The following NTN4 variants were observed in gnomAD, a reference collection of about 807,000 sequenced individuals.
NTN4 encodes netrin-4.
In NTN4, 32 loss-of-function variants were observed where a neutral mutation model predicts 73.6. That is an observed-to-expected ratio of 0.44 (90% CI 0.33 to 0.58). NTN4 has a LOEUF of 0.58. Ranked by LOEUF, NTN4 falls within the 20% of genes least tolerant of loss-of-function variation. NTN4 has a pLI of 0.04. For synonymous variants in NTN4, 258 were observed against 287.5 expected, an observed-to-expected ratio of 0.90 and a Z score of 1.04; for missense variants, 654 against 798.3, an observed-to-expected ratio of 0.82 and a Z score of 2.18.
intron 3 of NTN4, among the ~76,000 whole-genome samples, chr12:95,732,475 C>T (rs1253090679): frequency 1.5e-5 from 2 of 132,964 alleles, no homozygotes; most frequent in East Asian, 2.1e-4. Flanking sequence ...GCAATCTCAG[C>T]TCACTGCAAA....
chr12:95,788,649 C>A (rs1054710461), intron 1 of NTN4, among the ~76,000 whole-genome samples: 3 of 152,228 alleles, frequency 2.0e-5, no homozygotes, highest in African/African-American at 7.2e-5. Context: ...ACAGCTTAGG[C>A]TGCAACAGAG....
At position 95,787,027 on chromosome 12, in the gene NTN4, GCGGAGCAGTTAGT is replaced by G. The variant is rs769566810; in HGVS notation, c.484_496del (p.Thr162LeufsTer54). ...AACATCATCTTCCAGGCCAAATGTA[GCGGAGCAGTTAGT>G]CGCAAAGTACTTATAAGGCTTCCAT... On this transcript the variant is annotated frameshift_variant, in exon 2 of 10. Coordinates refer to ENST00000343702, the MANE Select transcript of NTN4 (RefSeq NM_021229.4). LOFTEE classifies it high-confidence loss of function. 1.2e-6 allele frequency: 2 copies of G among 1,614,176 alleles called. No individual in the cohort carries two copies.
intron 7 of NTN4, among the ~76,000 whole-genome samples, chr12:95,677,981 A>G (rs1034624105): frequency 3.3e-5 from 5 of 152,246 alleles, no homozygotes; most frequent in Admixed American, 6.5e-5. Context: ...TGTGACACAT[A>G]TACACCATGG....
intron 2 of NTN4, among the ~76,000 whole-genome samples, chr12:95,776,119 G>A (rs1275764948): frequency 6.6e-6 from 1 of 152,124 alleles, no homozygotes; most frequent in African/African-American, 2.4e-5. Context: ...TAGAAGGAAA[G>A]CTAACAAACA....
chr12:95,783,539 G>A (rs1055338744), intron 2 of NTN4, among the ~76,000 whole-genome samples: 15 of 152,294 alleles, frequency 9.8e-5, no homozygotes, highest in African/African-American at 3.6e-4. Flanking sequence ...TTAAGAGAGT[G>A]AGAGAGGAGG....
chr12:95,743,329 T>A (rs995735168), intron 2 of NTN4, among the ~76,000 whole-genome samples: 4 of 152,226 alleles, frequency 2.6e-5, no homozygotes, highest in Admixed American at 6.5e-5. Context: ...TATTATTTAC[T>A]TTCTTCTGCT....
At chr12:95,770,921 A>G (rs954050230) in intron 2 of NTN4, among the ~76,000 whole-genome samples, 1 of 152,142 alleles carries the variant, frequency 6.6e-6, no homozygotes, top group African/African-American at 2.4e-5. Context: ...GAGAAATATG[A>G]CATAGAAAGA....
At chr12:95,760,664 A>G (rs934456187) in intron 2 of NTN4, among the ~76,000 whole-genome samples, 1 of 150,120 alleles carries the variant, frequency 6.7e-6, no homozygotes, top group East Asian at 1.9e-4. Context: ...CCAATGTCTG[A>G]AAACAATTGT....
At position 95,755,745 on chromosome 12, in the gene NTN4, CTT is replaced by C. The variant is rs1481319014; in HGVS notation, c.586-17603_586-17602del. On this transcript the variant is annotated intron_variant, in intron 2 of 9. Transcript: ENST00000343702. ...TCAATTTGTAAGTACACAAAAGCCTCTTTGCATGTTTCAAGGGCATATTTACA... is the reference window on the plus strand; with the variant it reads ...TCAATTTGTAAGTACACAAAAGCCTCTGCATGTTTCAAGGGCATATTTACA... Among the ~76,000 whole-genome samples, 19 of 152,326 alleles carry C rather than the reference CTT, an allele frequency of 1.2e-4. No homozygotes were observed. The East Asian group carries it at 3.7e-3, about 29-fold the overall frequency.
At chr12:95,659,681 T>C (rs1226575126) in intron 9 of NTN4, among the ~76,000 whole-genome samples, 1 of 152,244 alleles carries the variant, frequency 6.6e-6, no homozygotes, top group East Asian at 1.9e-4. Flanking sequence ...TTTACTATGC[T>C]TAGTGCATGT....
At chr12:95,667,451 C>G (rs1453346210) in intron 8 of NTN4, among the ~76,000 whole-genome samples, 2 of 151,958 alleles carry the variant, frequency 1.3e-5, no homozygotes, top group Non-Finnish European at 2.9e-5. Flanking sequence ...CTTGGCTGGT[C>G]TCATACTCTG....
intron 5 of NTN4, among the ~76,000 whole-genome samples, chr12:95,704,390 A>C (rs565212583): frequency 7.2e-5 from 11 of 152,212 alleles, no homozygotes; most frequent in Non-Finnish European, 1.5e-4. Context: ...AATGGGGGGA[A>C]AACATCTAGC....
chr12:95,787,312 G>A lies in NTN4; in HGVS notation c.212C>T (p.Thr71Ile). The part of the protein sequence containing the change: ...YCFYSENTDL[T>I]CRQPKCDKCN... Reference sequence around the variant, plus strand: ...CTTGTCACATTTGGGCTGCCGACAAGTCAGATCCGTGTTCTCACTGTAGAA... The same window carrying A: ...CTTGTCACATTTGGGCTGCCGACAAATCAGATCCGTGTTCTCACTGTAGAA... Residue 71 changes from threonine (T) to isoleucine (I), a missense_variant, in exon 2 of 10, where the codon ACT becomes ATT. Coordinates refer to ENST00000343702, the MANE Select transcript of NTN4 (RefSeq NM_021229.4). The A allele has an allele frequency of 6.2e-7, 1 of 1,614,252 alleles. No individual in the cohort carries two copies.
intron 3 of NTN4, among the ~76,000 whole-genome samples, chr12:95,721,144 T>C (rs2078644922): frequency 6.6e-6 from 1 of 152,204 alleles, no homozygotes; most frequent in Non-Finnish European, 1.5e-5. Context: ...GGGGTCCACT[T>C]TGGCCAAGTC....
intron 2 of NTN4, among the ~76,000 whole-genome samples, chr12:95,753,550 T>C (rs954701217): frequency 4.1e-5 from 6 of 146,750 alleles, no homozygotes; most frequent in African/African-American, 1.5e-4. Context: ...TTCCCACCTC[T>C]ATACAGTCTG....
At chr12:95,692,955 T>C (rs1328513876) in intron 5 of NTN4, among the ~76,000 whole-genome samples, 6 of 152,078 alleles carry the variant, frequency 3.9e-5, no homozygotes. Flanking sequence ...TGAGATCATG[T>C]ATGTAAATAT....
At chr12:95,696,794 G>A (rs919616645) in intron 5 of NTN4, among the ~76,000 whole-genome samples, 2 of 152,162 alleles carry the variant, frequency 1.3e-5, no homozygotes, top group Non-Finnish European at 1.5e-5. Flanking sequence ...AAACAAAGCA[G>A]ATTATTCTGC....
At position 95,705,004 on chromosome 12, in the gene NTN4, A is replaced by G. The variant is rs368852239; in HGVS notation, c.1180+5437T>C. On this transcript the variant is annotated intron_variant, in intron 5 of 9. Transcript: ENST00000343702. ...ATTAAGTACCATCCAAGTATTTGTT[A>G]ACTAGGAATGATTACTAATATGACT... 3.3e-5 allele frequency among the ~76,000 whole-genome samples: 5 copies of G among 152,342 alleles called. No individual in the cohort carries two copies. In the East Asian group the frequency reaches 9.6e-4, roughly 29 times the overall value.
At chr12:95,751,069 C>T (rs961520862) in intron 2 of NTN4, among the ~76,000 whole-genome samples, 2 of 152,208 alleles carry the variant, frequency 1.3e-5, no homozygotes, top group Non-Finnish European at 1.5e-5. Context: ...AGACGCTTTA[C>T]AGCCCTGGAC....
Sources: gnomAD v4.1 joint callset for allele counts (sites outside exome capture counted in the v4.1 genomes callset) on GRCh38, gnomAD v4.1.1 for gene constraint, MANE v1.5 for transcripts, NCBI Gene and HGNC (gene_info 2026-07-23, HGNC 2026-07-21) for gene names.